ANXA5: variants seen among roughly 807,000 people sequenced by gnomAD.
ANXA5 encodes CBP-I.
Under a neutral mutation model 48.1 loss-of-function variants are expected in ANXA5, and 40 were observed. The ratio of observed to expected loss-of-function variants is 0.83; its 90% CI spans 0.65 to 1.08. ANXA5 has a LOEUF of 1.08. Among genes scored for constraint, ANXA5 ranks in the 50% least tolerant of loss-of-function variants. The pLI is 0.00. For synonymous variants in ANXA5, 113 were observed against 129.1 expected (o/e 0.88, Z 0.85); for missense variants, 357 against 376.8 (o/e 0.95, Z 0.44).
chr4:121,681,879 T>C (rs573114698), intron 5 of ANXA5, 118 bp from the exon 6 acceptor site: 2 of 636,224 alleles, frequency 3.1e-6, no homozygotes, highest in African/African-American at 1.8e-5. Flanking sequence ...CAGTATAACA[T>C]GGATTTCTTT....
chr4:121,678,340 A>C (rs563255553), intron 7 of ANXA5, 75 bp downstream of exon 7: 20 of 1,167,864 alleles, frequency 1.7e-5, no homozygotes, highest in South Asian at 1.2e-4. Flanking sequence ...ATTTTAAGTG[A>C]CCTTACTTAA....
intron 8 of ANXA5, among the ~76,000 whole-genome samples, chr4:121,673,483 T>C (rs1724645317): frequency 6.6e-6 from 1 of 152,212 alleles, no homozygotes; most frequent in South Asian, 2.1e-4. Flanking sequence ...GTTGGCCTTA[T>C]ACCCACAAGC....
At chr4:121,696,777 C>T in intron 1 of ANXA5, 86 bp downstream of exon 1, 1 of 416,652 alleles carries the variant, frequency 2.4e-6, no homozygotes, top group Non-Finnish European at 4.2e-6. Context: ...GGACAGCTCT[C>T]GGCCGAGCGT....
intron 2 of ANXA5, among the ~76,000 whole-genome samples, chr4:121,692,647 C>T (rs1213136630): frequency 1.3e-5 from 2 of 152,194 alleles, no homozygotes; most frequent in Non-Finnish European, 2.9e-5. Context: ...TATTTATTTG[C>T]TGTTGTTACC....
At chr4:121,686,227 T>G (rs1299271903) in intron 3 of ANXA5, 61 bp downstream of exon 3, 2 of 1,242,816 alleles carry the variant, frequency 1.6e-6, no homozygotes, top group South Asian at 1.2e-5. Context: ...TTACTGTAAT[T>G]AATGACTTGT....
intron 2 of ANXA5, among the ~76,000 whole-genome samples, chr4:121,689,364 C>T (rs866951766): frequency 6.6e-6 from 1 of 152,152 alleles, no homozygotes; most frequent in East Asian, 1.9e-4. Flanking sequence ...ATTATACTAA[C>T]TACTAGTTAA....
chr4:121,688,094 A>G (rs1724923253), intron 2 of ANXA5, among the ~76,000 whole-genome samples: 2 of 152,202 alleles, frequency 1.3e-5, no homozygotes, highest in Non-Finnish European at 2.9e-5. Context: ...CATCCTTGTA[A>G]GAATCCAGAG....
At position 121,692,874 on chromosome 4, in the gene ANXA5, A is replaced by G. The variant is rs1002939990; in HGVS notation, c.9+3707T>C. Among the ~76,000 whole-genome samples the G allele has an allele frequency of 1.4e-3, 212 of 152,374 alleles. 1 individual carries two copies. The highest frequency in any genetic ancestry group is 4.9e-3 in the African/African-American group (202 of 41,594). On this transcript the variant is annotated intron_variant, in intron 2 of 12. Transcript: ENST00000296511. Reference sequence around the variant, plus strand: ...GCTCATGTTTAACAATACTTGGCACATAGTGAAAATGCAAAAGCCTCATGC... The same window carrying G: ...GCTCATGTTTAACAATACTTGGCACGTAGTGAAAATGCAAAAGCCTCATGC...
intron 10 of ANXA5, 88 bp downstream of exon 10, chr4:121,671,459 T>C (rs559259816): frequency 1.7e-5 from 16 of 942,660 alleles, no homozygotes; most frequent in African/African-American, 1.5e-4. Context: ...CCTTCACACC[T>C]AGGTGGTTAT....
chr4:121,695,131 T>A (rs72911860), intron 2 of ANXA5, among the ~76,000 whole-genome samples: 92 of 152,330 alleles, frequency 6.0e-4, no homozygotes, highest in African/African-American at 1.9e-3. Flanking sequence ...TTCATGTACA[T>A]CACCACACCA....
intron 4 of ANXA5, 95 bp from the exon 5 acceptor site, chr4:121,683,572 T>C: frequency 2.9e-6 from 2 of 679,860 alleles, no homozygotes; most frequent in East Asian, 2.8e-5. Flanking sequence ...AATGAATTCT[T>C]TATGTTGCTG....
rs752639215 is a variant in ANXA5, at chr4:121,683,395, T to C, written c.272A>G (p.Tyr91Cys). Residue 91 changes from tyrosine (Y) to cysteine (C), a missense_variant, in exon 5 of 13, where the codon TAT becomes TGT. Transcript: ENST00000296511. ...IVALMKPSRLYDAYELKHALK... is the reference protein window; with the variant it reads ...IVALMKPSRLCDAYELKHALK... ...GGCATGTTTCAGTTCATAAGCATCATAAAGCCGAGAGGGTTTCATCAGAGC... is the reference window on the plus strand; with the variant it reads ...GGCATGTTTCAGTTCATAAGCATCACAAAGCCGAGAGGGTTTCATCAGAGC... 10 of 1,608,040 alleles carry C rather than the reference T, an allele frequency of 6.2e-6. No individual in the cohort carries two copies. Among genetic ancestry groups the C allele is most frequent in the East Asian group, 2.2e-5 (1 of 44,536 alleles).
intron 5 of ANXA5, among the ~76,000 whole-genome samples, chr4:121,682,859 T>C (rs1436546090): frequency 2.6e-5 from 4 of 152,188 alleles, no homozygotes; most frequent in African/African-American, 9.6e-5. Flanking sequence ...TATTTAATTT[T>C]TGCTGCAACT....
At chr4:121,681,632 A>G (rs1447688188) in intron 6 of ANXA5, 39 bp downstream of exon 6, 4 of 1,353,486 alleles carry the variant, frequency 3.0e-6, no homozygotes, top group Non-Finnish European at 4.2e-6. Context: ...AGGAAGTGAT[A>G]GTGGAGGTGA....
intron 2 of ANXA5, among the ~76,000 whole-genome samples, chr4:121,688,877 G>A (rs1049473445): frequency 2.0e-5 from 3 of 152,044 alleles, no homozygotes; most frequent in Admixed American, 6.6e-5. Flanking sequence ...AGGGGAAGGG[G>A]AGCCTCTCTC....
intron 8 of ANXA5, among the ~76,000 whole-genome samples, chr4:121,673,403 T>C (rs908304561): frequency 1.3e-5 from 2 of 152,228 alleles, no homozygotes; most frequent in Non-Finnish European, 2.9e-5. Context: ...GTACTATCCT[T>C]TTATTCATTT....
Position 121,695,623 on chromosome 4 carries a change from A to G in ANXA5, c.9+958T>C, listed in dbSNP as rs549196733. Among the ~76,000 whole-genome samples the G allele has an allele frequency of 1.2e-3, 189 of 152,288 alleles. 3 individuals carry two copies. The highest frequency in any genetic ancestry group is 3.4e-3 in the Middle Eastern group (1 of 294). On this transcript the variant is annotated intron_variant, in intron 2 of 12. Transcript: ENST00000296511. ...TTTCCTACATTTTTGATAAACATTA[A>G]TAACAGTAAAGAAACCAGGCGCAGT...
rs1724851668 is a variant in ANXA5, at chr4:121,684,770, G to A, written c.96C>T (p.Gly32=). ...ETLRKAMKGL[G]TDEESILTLL... is the part of the protein sequence containing the mutation. ...GAGTCAGGATGCTCTCCTCATCTGTGCCTGCAATTTATGGTTAACAATTAC... is the reference window on the plus strand; with the variant it reads ...GAGTCAGGATGCTCTCCTCATCTGTACCTGCAATTTATGGTTAACAATTAC... Residue 32 remains glycine (G), a splice_region_variant and synonymous_variant, in exon 4 of 13, where the codon GGC becomes GGT. Transcript: ENST00000296511. 6.2e-7 allele frequency: 1 copy of A among 1,613,026 alleles called. No homozygotes were observed. The highest frequency in any genetic ancestry group is 1.3e-5 in the African/African-American group (1 of 74,922).
intron 2 of ANXA5, 96 bp downstream of exon 2, chr4:121,696,485 T>C: frequency 1.7e-6 from 2 of 1,205,092 alleles, no homozygotes; most frequent in Non-Finnish European, 2.1e-6. Flanking sequence ...CCTTTCCTCC[T>C]AAACTTTTTG....
Sources: gnomAD v4.1 joint callset for allele counts (sites outside exome capture counted in the v4.1 genomes callset) on GRCh38, gnomAD v4.1.1 for gene constraint, MANE v1.5 for transcripts, NCBI Gene and HGNC (gene_info 2026-07-23, HGNC 2026-07-21) for gene names.